Variants in SH3KBP1 observed in about 807,000 individuals in gnomAD.
SH3KBP1 encodes SH3 domain containing kinase binding protein 1.
SH3KBP1 carries 8 observed loss-of-function variants against 50.1 expected under a neutral mutation model. That is an observed-to-expected ratio of 0.16 (90% CI 0.09 to 0.29). The LOEUF (loss-of-function observed/expected upper bound fraction) is 0.29, where lower values mean the gene tolerates loss of function less well. Among genes scored for constraint, SH3KBP1 ranks in the 10% least tolerant of loss-of-function variants. The pLI, the probability that SH3KBP1 is intolerant of heterozygous loss-of-function variation, is 1.00. For synonymous variants in SH3KBP1, 227 were observed against 218.6 expected (o/e 1.04, Z -0.34); for missense variants, 377 against 535.2 (o/e 0.70, Z 2.92).
chrX:19,564,573 C>T (rs939848128), intron 13 of SH3KBP1, among the ~76,000 whole-genome samples: 4 of 110,153 alleles, frequency 3.6e-5, no homozygotes, highest in African/African-American at 1.3e-4. Context: ...TCTCTCTCCC[C>T]CCCCTTCCTC....
chrX:19,773,103 G>A (rs1449589986), intron 2 of SH3KBP1, among the ~76,000 whole-genome samples: 2 of 110,600 alleles, frequency 1.8e-5, no homozygotes, highest in African/African-American at 3.3e-5. Flanking sequence ...AATACAGATA[G>A]GCACACAGAC....
chrX:19,802,668 G>A (rs1229686576), intron 2 of SH3KBP1, among the ~76,000 whole-genome samples: 1 of 111,147 alleles, frequency 9.0e-6, no homozygotes, highest in Non-Finnish European at 1.9e-5. Context: ...ATTCTCACTC[G>A]CTCTGGGCTC....
chrX:19,834,053 T>C (rs2067991702), intron 2 of SH3KBP1, among the ~76,000 whole-genome samples: 1 of 111,571 alleles, frequency 9.0e-6, no homozygotes, highest in Non-Finnish European at 1.9e-5. Flanking sequence ...GCATGTTCCC[T>C]ACAAAACTCT....
intron 2 of SH3KBP1, among the ~76,000 whole-genome samples, chrX:19,773,071 A>G (rs987461890): frequency 6.3e-5 from 7 of 111,299 alleles, no homozygotes; most frequent in Non-Finnish European, 5.7e-5. Context: ...ACTGATGCAC[A>G]AGCATAGAGA....
At chrX:19,583,153 AT>A (rs2066432735) in intron 12 of SH3KBP1, among the ~76,000 whole-genome samples, 1 of 80,616 alleles carries the variant, frequency 1.2e-5, no homozygotes, top group African/African-American at 5.1e-5. Context: ...TATTATTATT[AT>A]TATTATTATT....
At chrX:19,587,082 C>T (rs1291088146) in intron 12 of SH3KBP1, among the ~76,000 whole-genome samples, 3 of 109,901 alleles carry the variant, frequency 2.7e-5, no homozygotes, top group Non-Finnish European at 3.8e-5. Context: ...ATTAGCCAGG[C>T]GTGGTGGCAC....
At chrX:19,628,800 C>T (rs1034143396) in intron 8 of SH3KBP1, among the ~76,000 whole-genome samples, 4 of 111,868 alleles carry the variant, frequency 3.6e-5, no homozygotes, top group Non-Finnish European at 5.6e-5. Context: ...AACTGGAAGC[C>T]GGGTGCAGTG....
At position 19,612,795 on chromosome X, in the gene SH3KBP1, G is replaced by A. The variant is rs1013277295; in HGVS notation, c.898-4750C>T. On this transcript the variant is annotated intron_variant, in intron 8 of 17. Coordinates refer to ENST00000397821, the MANE Select transcript of SH3KBP1 (RefSeq NM_031892.3). ...TGAATCAGAATGGCACAGAAACACTGGCAGAAGTGCTAGAATGGATTTACA... is the reference window on the plus strand; with the variant it reads ...TGAATCAGAATGGCACAGAAACACTAGCAGAAGTGCTAGAATGGATTTACA... 2.7e-5 allele frequency among the ~76,000 whole-genome samples: 3 copies of A among 111,785 alleles called. No individual in the cohort carries two copies. In the East Asian group the frequency reaches 8.4e-4, roughly 31 times the overall value.
At chrX:19,839,768 T>G (rs2068171083) in intron 1 of SH3KBP1, among the ~76,000 whole-genome samples, 1 of 112,229 alleles carries the variant, frequency 8.9e-6, no homozygotes, top group Non-Finnish European at 1.9e-5. Flanking sequence ...TCCCAAGCTG[T>G]GTCTTGTCTT....
intron 2 of SH3KBP1, among the ~76,000 whole-genome samples, chrX:19,830,729 T>C (rs2067847535): frequency 2.7e-5 from 3 of 109,577 alleles, no homozygotes; most frequent in African/African-American, 1.0e-4. Flanking sequence ...GCCACTGCAC[T>C]CCAGCCTACG....
chrX:19,551,427 T>A (rs2065233954), intron 13 of SH3KBP1, among the ~76,000 whole-genome samples: 1 of 110,674 alleles, frequency 9.0e-6, no homozygotes, highest in East Asian at 2.8e-4. Context: ...AGGGCAAAGA[T>A]TCCCCCTGCT....
At chrX:19,725,878 T>C (rs2064207258) in intron 3 of SH3KBP1, among the ~76,000 whole-genome samples, 1 of 112,195 alleles carries the variant, frequency 8.9e-6, no homozygotes. Flanking sequence ...CAACTTCCTG[T>C]TACACAAGAC....
chrX:19,878,301 CT>C (rs397956540), intron 1 of SH3KBP1, among the ~76,000 whole-genome samples: 160 of 92,763 alleles, frequency 1.7e-3, no homozygotes, highest in Middle Eastern at 5.1e-3. Flanking sequence ...TGATGTAGAC[CT>C]TTTTTTTTTT....
rs1196639723 is a variant in SH3KBP1 at position 19,599,290 on chromosome X, G to GA, written c.1006-4291dup. 9.2e-5 allele frequency among the ~76,000 whole-genome samples: 10 copies of GA among 108,435 alleles called. No homozygotes were observed. In the South Asian group the frequency reaches 1.2e-3, roughly 13 times the overall value. The allele number at this position is 108,435 out of a possible 115,157, so 94.2% of individuals were successfully genotyped here. ...ATATTTTCCAAGATTACTGGTCAAA[G>GA]AAAAAAAAAATCCCTTTAATGTTGT... On this transcript the variant is annotated intron_variant, in intron 9 of 17. Coordinates refer to ENST00000397821, the MANE Select transcript of SH3KBP1 (RefSeq NM_031892.3).
chrX:19,580,232 A>G (rs1245542532), intron 12 of SH3KBP1, among the ~76,000 whole-genome samples: 1 of 112,058 alleles, frequency 8.9e-6, no homozygotes, highest in Non-Finnish European at 1.9e-5. Context: ...TAGGCACTTA[A>G]CGAGTATTTG....
chrX:19,707,027 CA>C, intron 3 of SH3KBP1, 43 bp from the exon 4 acceptor site: 2 of 1,063,403 alleles, frequency 1.9e-6, no homozygotes, highest in Non-Finnish European at 2.6e-6. Flanking sequence ...CTCTTCTCCC[CA>C]AATCAGATTT....
chrX:19,836,243 T>C lies in SH3KBP1; in HGVS notation c.44A>G (p.Asp15Gly), dbSNP rs746696313. 2 of 1,210,544 alleles carry C rather than the reference T, an allele frequency of 1.7e-6. No homozygotes were observed. The highest frequency in any genetic ancestry group is 3.5e-5 in the South Asian group (2 of 56,950). The change falls in exon 2 of 18, where the codon GAT (aspartate) becomes GGT (glycine). Residue 15 changes from aspartate to glycine, a missense_variant. Coordinates refer to ENST00000397821, the MANE Select transcript of SH3KBP1 (RefSeq NM_031892.3). ...ACCCACGCTGATCGTCAGCTCATCA[T>C]CGTGCTGGGCCTGGTAGTCAAACTC... ...IVEFDYQAQH[D>G]DELTISVGEI...
chrX:19,691,745 G>A (rs1399997981), intron 5 of SH3KBP1, among the ~76,000 whole-genome samples: 1 of 111,352 alleles, frequency 9.0e-6, no homozygotes, highest in Non-Finnish European at 1.9e-5. Flanking sequence ...AGGGGAAAGT[G>A]AACAGTGACC....
chrX:19,852,636 G>GAAAAAAAAAAAAAAAAA (rs760707711), intron 1 of SH3KBP1, among the ~76,000 whole-genome samples: 2 of 51,937 alleles, frequency 3.9e-5, no homozygotes, highest in African/African-American at 1.3e-4. Context: ...TAGCTGCACA[G>GAAAAAAAAAAAAAAAAA]AAAAAAAAAA....
Sources: gnomAD v4.1 joint callset for allele counts (sites outside exome capture counted in the v4.1 genomes callset) on GRCh38, gnomAD v4.1.1 for gene constraint, MANE v1.5 for transcripts, NCBI Gene and HGNC (gene_info 2026-07-23, HGNC 2026-07-21) for gene names.